The following ZNF704 variants were observed in gnomAD, a reference collection of about 807,000 sequenced individuals.
The protein encoded by ZNF704 is glucocorticoid induced gene 1.
Under a neutral mutation model 44.7 loss-of-function variants are expected in ZNF704, and 10 were observed. The observed-to-expected ratio is 0.22, with a 90% CI of 0.14 to 0.38. The LOEUF (loss-of-function observed/expected upper bound fraction) is 0.38, where lower values mean the gene tolerates loss of function less well. Among genes scored for constraint, ZNF704 ranks in the 10% least tolerant of loss-of-function variants. The pLI, the probability that ZNF704 is intolerant of heterozygous loss-of-function variation, is 1.00. For missense variants in ZNF704, 390 were observed against 545.5 expected, an observed-to-expected ratio of 0.71 and a Z score of 2.84; for synonymous variants, 211 against 207.6, an observed-to-expected ratio of 1.02 and a Z score of -0.14.
intron 2 of ZNF704, among the ~76,000 whole-genome samples, chr8:80,740,998 T>C (rs1806746499): frequency 6.6e-6 from 1 of 152,164 alleles, no homozygotes; most frequent in South Asian, 2.1e-4. Flanking sequence ...GGCTCAGCTC[T>C]GCTTACAGCA....
chr8:80,702,363 C>T (rs1270243732), intron 2 of ZNF704, among the ~76,000 whole-genome samples: 1 of 152,016 alleles, frequency 6.6e-6, no homozygotes, highest in Non-Finnish European at 1.5e-5. Flanking sequence ...GAGCAGGACA[C>T]CAAAAGTCTA....
chr8:80,670,033 G>T (rs1818255064), intron 5 of ZNF704, among the ~76,000 whole-genome samples: 1 of 152,136 alleles, frequency 6.6e-6, no homozygotes, highest in Non-Finnish European at 1.5e-5. Context: ...TGCTTGTGAG[G>T]CTTAAAGTCA....
At chr8:80,762,921 T>C (rs900957786) in intron 2 of ZNF704, among the ~76,000 whole-genome samples, 2 of 152,208 alleles carry the variant, frequency 1.3e-5, no homozygotes, top group African/African-American at 4.8e-5. Flanking sequence ...ATAGGCCCCA[T>C]GTAAGTCCAA....
chr8:80,646,959 G>A (rs912137978), intron 7 of ZNF704, among the ~76,000 whole-genome samples: 1 of 152,158 alleles, frequency 6.6e-6, no homozygotes, highest in African/African-American at 2.4e-5. Context: ...CATCAGCCAC[G>A]GATAATGTGG....
At chr8:80,777,916 T>C (rs1807443348) in intron 2 of ZNF704, among the ~76,000 whole-genome samples, 1 of 150,616 alleles carries the variant, frequency 6.6e-6, no homozygotes, top group African/African-American at 2.5e-5. Flanking sequence ...AACCCACAAA[T>C]ATCATAACAC....
At chr8:80,750,037 C>A (rs1012365840) in intron 2 of ZNF704, among the ~76,000 whole-genome samples, 5 of 152,132 alleles carry the variant, frequency 3.3e-5, no homozygotes, top group Admixed American at 6.5e-5. Context: ...GTCCTGGAAG[C>A]TTCTAGTTAA....
At chr8:80,716,251 T>C (rs571256062) in intron 2 of ZNF704, among the ~76,000 whole-genome samples, 3 of 152,296 alleles carry the variant, frequency 2.0e-5, no homozygotes, top group Non-Finnish European at 2.9e-5. Flanking sequence ...ATATGACATA[T>C]TGGAATTATG....
chr8:80,851,038 G>C (rs1373381419), intron 1 of ZNF704, among the ~76,000 whole-genome samples: 1 of 152,162 alleles, frequency 6.6e-6, no homozygotes, highest in Admixed American at 6.5e-5. Flanking sequence ...AGAAGGTAGG[G>C]CTTACTACAC....
chr8:80,782,507 T>C (rs1425509883), intron 2 of ZNF704, among the ~76,000 whole-genome samples: 2 of 152,154 alleles, frequency 1.3e-5, no homozygotes, highest in African/African-American at 4.8e-5. Flanking sequence ...ACAATTACGA[T>C]GTCCAGATGA....
intron 1 of ZNF704, among the ~76,000 whole-genome samples, chr8:80,853,407 T>G (rs1808903878): frequency 6.6e-6 from 1 of 152,232 alleles, no homozygotes; most frequent in Non-Finnish European, 1.5e-5. Context: ...AAATTCCAGA[T>G]GATTATTAGT....
At chr8:80,709,442 C>CAAAAAAAAA (rs780264820) in intron 2 of ZNF704, among the ~76,000 whole-genome samples, 5 of 15,886 alleles carry the variant, frequency 3.1e-4, no homozygotes, top group Non-Finnish European at 4.0e-4. Flanking sequence ...GACTCCATCT[C>CAAAAAAAAA]AAAAAAAAAA....
At chr8:80,753,189 G>A (rs1349514451) in intron 2 of ZNF704, among the ~76,000 whole-genome samples, 1 of 152,198 alleles carries the variant, frequency 6.6e-6, no homozygotes, top group African/African-American at 2.4e-5. Context: ...GTGACTGTTT[G>A]ATCTGCACGT....
intron 1 of ZNF704, among the ~76,000 whole-genome samples, chr8:80,845,854 G>A (rs2129981020): frequency 6.6e-6 from 1 of 152,062 alleles, no homozygotes; most frequent in South Asian, 2.1e-4. Context: ...TATCATCAAG[G>A]GACAGGGAAG....
intron 2 of ZNF704, among the ~76,000 whole-genome samples, chr8:80,792,412 G>A (rs1407390161): frequency 6.6e-6 from 1 of 152,110 alleles, no homozygotes; most frequent in Non-Finnish European, 1.5e-5. Flanking sequence ...GGTTAATGTG[G>A]GGGCATACTC....
chr8:80,712,631 G>A (rs553970705), intron 2 of ZNF704, among the ~76,000 whole-genome samples: 14 of 152,106 alleles, frequency 9.2e-5, no homozygotes, highest in African/African-American at 3.4e-4. Flanking sequence ...CTCACCTGAT[G>A]AGGATAGATT....
At chr8:80,659,752 CTTA>C in intron 6 of ZNF704, 63 bp from the exon 7 acceptor site, 1 of 1,467,914 alleles carries the variant, frequency 6.8e-7, no homozygotes, top group South Asian at 1.2e-5. Flanking sequence ...GCTTTAAGCT[CTTA>C]TTACCAAAGG....
chr8:80,785,317 A>G (rs543190989), intron 2 of ZNF704, among the ~76,000 whole-genome samples: 6 of 152,202 alleles, frequency 3.9e-5, no homozygotes, highest in Non-Finnish European at 7.3e-5. Flanking sequence ...TTTCCATCAC[A>G]TCTGGGTAAA....
At chr8:80,779,777 A>G (rs7813915) in intron 2 of ZNF704, among the ~76,000 whole-genome samples, 20,287 of 151,884 alleles carry the variant, frequency 0.13, 2,111 homozygotes, top group African/African-American at 0.29. Context: ...CACTCTCTAC[A>G]GGATAACCGT....
chr8:80,835,177 T>A (rs1401131368), intron 1 of ZNF704, among the ~76,000 whole-genome samples: 2 of 151,464 alleles, frequency 1.3e-5, no homozygotes, highest in Non-Finnish European at 2.9e-5. Flanking sequence ...AACTTGGGTA[T>A]TTTTTTTTAA....
Sources: allele counts gnomAD v4.1 joint callset (sites outside exome capture counted in the v4.1 genomes callset), GRCh38; gene constraint gnomAD v4.1.1; transcripts MANE v1.5; gene names NCBI Gene and HGNC (gene_info 2026-07-23, HGNC 2026-07-21).